Variants in CBFA2T2 observed in about 807,000 individuals in gnomAD.
CBFA2T2 encodes CBFA2/RUNX1 partner transcriptional co-repressor 2.
CBFA2T2 carries 11 observed loss-of-function variants against 62.2 expected under a neutral mutation model. The observed-to-expected ratio is 0.18, with a 90% CI of 0.11 to 0.29. CBFA2T2 has a LOEUF of 0.29. Among genes scored for constraint, CBFA2T2 ranks in the 10% least tolerant of loss-of-function variants. The pLI, the probability that CBFA2T2 is intolerant of heterozygous loss-of-function variation, is 1.00. For synonymous variants in CBFA2T2, 295 were observed against 287.5 expected, an observed-to-expected ratio of 1.03 and a Z score of -0.27; for missense variants, 592 against 774.1, an observed-to-expected ratio of 0.76 and a Z score of 2.79.
chr20:33,609,684 A>C (rs2015457872), intron 2 of CBFA2T2, among the ~76,000 whole-genome samples: 1 of 152,224 alleles, frequency 6.6e-6, no homozygotes, highest in South Asian at 2.1e-4. Flanking sequence ...AGTAAGGTTC[A>C]GTGTAAGAAG....
At chr20:33,619,855 A>C (rs963348329) in intron 4 of CBFA2T2, among the ~76,000 whole-genome samples, 5 of 152,178 alleles carry the variant, frequency 3.3e-5, no homozygotes, top group African/African-American at 1.2e-4. Context: ...ATAGGAGAGA[A>C]TAGGAGGTGC....
chr20:33,514,007 TCTC>T (rs987523890), intron 1 of CBFA2T2, among the ~76,000 whole-genome samples: 10 of 147,992 alleles, frequency 6.8e-5, no homozygotes, highest in Non-Finnish European at 8.9e-5. Context: ...TTCCAGCAAT[TCTC>T]CTACCTCAGC....
chr20:33,626,300 G>A (rs978845838), intron 6 of CBFA2T2, among the ~76,000 whole-genome samples: 39 of 152,204 alleles, frequency 2.6e-4, no homozygotes, highest in African/African-American at 9.2e-4. Context: ...CACCTTGGAG[G>A]AGAAAGTGCA....
At chr20:33,614,357 T>C (rs2015630007) in intron 3 of CBFA2T2, among the ~76,000 whole-genome samples, 1 of 152,228 alleles carries the variant, frequency 6.6e-6, no homozygotes, top group African/African-American at 2.4e-5. Context: ...CCATTGTGTA[T>C]TTAGAGCCTA....
At chr20:33,579,117 T>TG (rs2013984329) in intron 1 of CBFA2T2, among the ~76,000 whole-genome samples, 1 of 147,648 alleles carries the variant, frequency 6.8e-6, no homozygotes, top group Non-Finnish European at 1.5e-5. Context: ...TTTTTTTTGT[T>TG]TTTTTTTTTT....
At position 33,580,465 on chromosome 20, in the gene CBFA2T2, A is replaced by C. The variant is rs187142978; in HGVS notation, c.35-26491A>C. On this transcript the variant is annotated intron_variant, in intron 1 of 10. Transcript: ENST00000342704. Reference sequence around the variant, plus strand: ...AGAGGCCGAAATTGGCCTCTTCTGAAACAAAAATAGACAAATGATGCATTT... The same window carrying C: ...AGAGGCCGAAATTGGCCTCTTCTGACACAAAAATAGACAAATGATGCATTT... 2.7e-3 allele frequency among the ~76,000 whole-genome samples: 408 copies of C among 152,330 alleles called. 2 individuals carry two copies. Among genetic ancestry groups the C allele is most frequent in the Non-Finnish European group, 4.8e-3 (324 of 68,032 alleles).
intron 3 of CBFA2T2, among the ~76,000 whole-genome samples, chr20:33,614,114 CA>C (rs35963316): frequency 0.058 from 5,946 of 102,308 alleles, 283 homozygotes; most frequent in Admixed American, 0.21. Flanking sequence ...GACTCCGTCT[CA>C]AAAAAAAAAA....
chr20:33,629,984 G>C lies in CBFA2T2; in HGVS notation c.1228+70G>C, dbSNP rs959148961. On this transcript the variant is annotated intron_variant, in intron 8 of 10. Transcript: ENST00000342704. ...TAGAGCCCACCAATCTGTCACAGAA[G>C]GCGTTTTCTACTTGACTTTAAAGAA... 7 of 1,367,620 alleles carry C rather than the reference G, an allele frequency of 5.1e-6. No individual in the cohort carries two copies. The African/African-American group carries it at 5.8e-5, about 11-fold the overall frequency. The allele number at this position is 1,367,620 out of a possible 1,614,324, so 84.7% of individuals were successfully genotyped here. A position where few individuals can be genotyped will look rare whatever the true frequency, so the allele number is the denominator to read the frequency against.
intron 1 of CBFA2T2, among the ~76,000 whole-genome samples, chr20:33,530,650 T>C (rs888020552): frequency 1.3e-5 from 2 of 152,002 alleles, no homozygotes; most frequent in Non-Finnish European, 2.9e-5. Context: ...TCACCTTAAG[T>C]GATCCGCCCA....
chr20:33,576,460 C>G (rs898095607), intron 1 of CBFA2T2, among the ~76,000 whole-genome samples: 41 of 152,176 alleles, frequency 2.7e-4, no homozygotes, highest in African/African-American at 8.2e-4. Flanking sequence ...ATTTTCAAAG[C>G]TTTTTATCCA....
At chr20:33,528,610 A>G (rs2011953164) in intron 1 of CBFA2T2, among the ~76,000 whole-genome samples, 1 of 152,322 alleles carries the variant, frequency 6.6e-6, no homozygotes, top group South Asian at 2.1e-4. Context: ...GATATGACTT[A>G]CATGCCCTTT....
intron 10 of CBFA2T2, among the ~76,000 whole-genome samples, chr20:33,641,671 C>T (rs2016844316): frequency 6.6e-6 from 1 of 152,158 alleles, no homozygotes; most frequent in Non-Finnish European, 1.5e-5. Flanking sequence ...GCAACCTCTA[C>T]CTCCGGGTTC....
At chr20:33,614,560 C>T (rs1288942845) in intron 3 of CBFA2T2, among the ~76,000 whole-genome samples, 2 of 152,120 alleles carry the variant, frequency 1.3e-5, no homozygotes, top group African/African-American at 4.8e-5. Flanking sequence ...AATAATACCC[C>T]ATTCCCCCCT....
chr20:33,584,407 A>G (rs1257218996), intron 1 of CBFA2T2, among the ~76,000 whole-genome samples: 2 of 151,600 alleles, frequency 1.3e-5, no homozygotes, highest in Non-Finnish European at 2.9e-5. Context: ...GTGGGACTAC[A>G]GGCGCCTGGC....
chr20:33,594,249 TCTCA>T (rs2014791214), intron 1 of CBFA2T2, among the ~76,000 whole-genome samples: 6 of 151,924 alleles, frequency 3.9e-5, no homozygotes. Flanking sequence ...TGAGACGGAG[TCTCA>T]CTCTGTTGCC....
In CBFA2T2 at chr20:33,646,773, A is replaced by T. The variant is rs545578467; in HGVS notation, c.*2127A>T. On this transcript the variant is annotated 3_prime_UTR_variant, in exon 11 of 11. Coordinates refer to ENST00000342704, the MANE Select transcript of CBFA2T2 (RefSeq NM_001032999.3). The stretch of plus-strand genomic sequence containing the variant: ...CTACTCAGGAGGCTGAGGCAAGAGA[A>T]TCTCTTGAACCTGTGAGCCAGAGGT... The T allele has an allele frequency of 2.0e-5, 3 of 151,462 alleles. No individual in the cohort carries two copies. In the East Asian group the frequency reaches 5.9e-4, roughly 30 times the overall value. The allele number at this position is 151,462 out of a possible 1,614,324, so 9.4% of individuals were successfully genotyped here. A position where few individuals can be genotyped will look rare whatever the true frequency, so the allele number is the denominator to read the frequency against.
chr20:33,555,842 C>A (rs2012882932), intron 1 of CBFA2T2, among the ~76,000 whole-genome samples: 1 of 152,142 alleles, frequency 6.6e-6, no homozygotes, highest in Non-Finnish European at 1.5e-5. Flanking sequence ...CTCTTTCTTC[C>A]TTGCCTTTCC....
intron 1 of CBFA2T2, among the ~76,000 whole-genome samples, chr20:33,576,619 T>G (rs1473354773): frequency 6.6e-6 from 1 of 152,266 alleles, no homozygotes; most frequent in Non-Finnish European, 1.5e-5. Context: ...CAAAGGGTGC[T>G]GCCCAACAGG....
intron 1 of CBFA2T2, among the ~76,000 whole-genome samples, chr20:33,555,620 A>G (rs1179468287): frequency 6.6e-6 from 1 of 152,238 alleles, no homozygotes; most frequent in South Asian, 2.1e-4. Flanking sequence ...ACTTAAATGC[A>G]TATTTCCTGA....
Sources: allele counts gnomAD v4.1 joint callset (sites outside exome capture counted in the v4.1 genomes callset), GRCh38; gene constraint gnomAD v4.1.1; transcripts MANE v1.5; gene names NCBI Gene and HGNC (gene_info 2026-07-23, HGNC 2026-07-21).